Variants in LRRC7 observed in about 807,000 individuals in gnomAD.
The protein encoded by LRRC7 is leucine-rich repeat-containing protein 7.
LRRC7 carries 23 observed loss-of-function variants against 175.7 expected under a neutral mutation model. The observed-to-expected ratio is 0.13, with a 90% CI of 0.09 to 0.19. LRRC7 has a LOEUF of 0.19. LRRC7 is among the 10% of genes least tolerant of loss of function. LRRC7 has a pLI of 1.00. For synonymous variants in LRRC7, 685 were observed against 680.9 expected (o/e 1.01, Z -0.09); for missense variants, 1,354 against 1,904.7 (o/e 0.71, Z 5.38).
rs143167326 is a variant in LRRC7, at chr1:69,971,104, A to T, written c.712-9275A>T. On this transcript the variant is annotated intron_variant, in intron 8 of 26. Coordinates refer to ENST00000651989, the MANE Select transcript of LRRC7 (RefSeq NM_001370785.2). ...CGTTTTTGATTAAAACTCTCCACAA[A>T]ATCAGCATACAAGGACATACCTCAA... Among the ~76,000 whole-genome samples the T allele has an allele frequency of 1.8e-3, 271 of 152,248 alleles. 1 individual carries two copies. Among genetic ancestry groups the T allele is most frequent in the Admixed American group, 6.5e-3 (100 of 15,290 alleles).
intron 2 of LRRC7, among the ~76,000 whole-genome samples, chr1:69,757,222 G>C (rs1557688750): frequency 6.6e-6 from 1 of 151,946 alleles, no homozygotes; most frequent in Non-Finnish European, 1.5e-5. Flanking sequence ...GAAGATGAGA[G>C]AAGATTCATA....
intron 11 of LRRC7, among the ~76,000 whole-genome samples, chr1:69,995,333 T>A (rs1368510332): frequency 3.3e-5 from 5 of 152,172 alleles, no homozygotes; most frequent in Non-Finnish European, 7.4e-5. Context: ...ATTCTGAAAT[T>A]ATGTAAGGGC....
At chr1:69,590,624 T>TA (rs1646593100) in intron 1 of LRRC7, among the ~76,000 whole-genome samples, 1 of 152,136 alleles carries the variant, frequency 6.6e-6, no homozygotes, top group African/African-American at 2.4e-5. Flanking sequence ...CAGCATCACA[T>TA]AAAAATAGCT....
intron 1 of LRRC7, among the ~76,000 whole-genome samples, chr1:69,633,735 A>G (rs1245042): frequency 0.98 from 149,806 of 152,282 alleles, 73,732 homozygotes; most frequent in Middle Eastern, 1. Flanking sequence ...AGCCAAACAT[A>G]CTTTTAAAAG....
intron 1 of LRRC7, among the ~76,000 whole-genome samples, chr1:69,664,019 C>A (rs114543836): frequency 0.021 from 3,217 of 152,206 alleles, 110 homozygotes; most frequent in African/African-American, 0.072. Context: ...CCGCGCCCGG[C>A]CTCGTTTTAA....
At chr1:69,644,982 A>G (rs555254201) in intron 1 of LRRC7, among the ~76,000 whole-genome samples, 2 of 152,150 alleles carry the variant, frequency 1.3e-5, no homozygotes, top group African/African-American at 2.4e-5. Context: ...CCTCCATTTA[A>G]TAAGAGTACC....
At chr1:70,024,728 G>A (rs1049977360) in intron 17 of LRRC7, among the ~76,000 whole-genome samples, 25 of 151,880 alleles carry the variant, frequency 1.6e-4, no homozygotes, top group Non-Finnish European at 2.9e-4. Context: ...TTATATTTGG[G>A]TATTACTTAA....
chr1:69,576,712 C>T (rs1402766493), intron 1 of LRRC7, among the ~76,000 whole-genome samples: 1 of 152,150 alleles, frequency 6.6e-6, no homozygotes, highest in African/African-American at 2.4e-5. Context: ...ATTAGCTATG[C>T]TTTTCATTTG....
At chr1:70,051,011 A>G (rs1660706001) in intron 22 of LRRC7, among the ~76,000 whole-genome samples, 1 of 151,972 alleles carries the variant, frequency 6.6e-6, no homozygotes, top group Admixed American at 6.6e-5. Context: ...GGCCCCTGTA[A>G]TAGAGACTTG....
chr1:69,948,688 T>G (rs1649596962), intron 8 of LRRC7, among the ~76,000 whole-genome samples: 1 of 152,152 alleles, frequency 6.6e-6, no homozygotes, highest in Admixed American at 6.6e-5. Flanking sequence ...TGCCAGCTAC[T>G]TTTACGAGGC....
chr1:70,090,423 A>G (rs186759366), intron 25 of LRRC7, among the ~76,000 whole-genome samples: 2 of 152,172 alleles, frequency 1.3e-5, no homozygotes, highest in Non-Finnish European at 2.9e-5. Context: ...AAGGCACACC[A>G]ACTCTAACCT....
chr1:69,837,781 G>C, intron 6 of LRRC7, among the ~76,000 whole-genome samples: 1 of 151,482 alleles, frequency 6.6e-6, no homozygotes, highest in East Asian at 1.9e-4. Flanking sequence ...TTAGGAAAAT[G>C]ATATTTGTCA....
chr1:70,051,952 G>T (rs1660779191), intron 22 of LRRC7, among the ~76,000 whole-genome samples: 1 of 152,022 alleles, frequency 6.6e-6, no homozygotes, highest in Non-Finnish European at 1.5e-5. Context: ...GTTTTGATGA[G>T]AATAGCCCAG....
At chr1:70,091,173 T>A (rs1664002493) in intron 25 of LRRC7, among the ~76,000 whole-genome samples, 1 of 152,158 alleles carries the variant, frequency 6.6e-6, no homozygotes, top group African/African-American at 2.4e-5. Context: ...AACTAGCATA[T>A]TTCCATTTTG....
intron 25 of LRRC7, among the ~76,000 whole-genome samples, chr1:70,092,760 G>T (rs1664122961): frequency 6.6e-6 from 1 of 152,110 alleles, no homozygotes; most frequent in South Asian, 2.1e-4. Flanking sequence ...ATGTGAGATT[G>T]TTGCAGAAAA....
chr1:69,651,075 T>C (rs1655757505), intron 1 of LRRC7, among the ~76,000 whole-genome samples: 1 of 152,224 alleles, frequency 6.6e-6, no homozygotes, highest in Non-Finnish European at 1.5e-5. Flanking sequence ...GAATGTCAAC[T>C]CTTTCTAATT....
At chr1:69,785,929 G>A (rs1246403896) in intron 3 of LRRC7, among the ~76,000 whole-genome samples, 1 of 152,042 alleles carries the variant, frequency 6.6e-6, no homozygotes, top group African/African-American at 2.4e-5. Context: ...CATTTAAGCA[G>A]TCTTTTAAAT....
chr1:69,828,395 T>C (rs1176198767), intron 5 of LRRC7, among the ~76,000 whole-genome samples: 1 of 152,176 alleles, frequency 6.6e-6, no homozygotes, highest in Non-Finnish European at 1.5e-5. Context: ...CCAGTTCAGG[T>C]GTTCAGAGTT....
In LRRC7 at chr1:69,969,286, C is replaced by T. The variant is rs574783401; in HGVS notation, c.712-11093C>T. The stretch of plus-strand genomic sequence containing the variant: ...TGGAGTGGTACCTCACATCTCAATA[C>T]TAACATTAAATGCAAATGGTCTAAA... On this transcript the variant is annotated intron_variant, in intron 8 of 26. Coordinates refer to ENST00000651989, the MANE Select transcript of LRRC7 (RefSeq NM_001370785.2). 2.6e-5 allele frequency among the ~76,000 whole-genome samples: 4 copies of T among 152,240 alleles called. No individual in the cohort carries two copies. In the South Asian group the frequency reaches 8.3e-4, roughly 32 times the overall value.
Sources: gnomAD v4.1 joint callset for allele counts (sites outside exome capture counted in the v4.1 genomes callset) on GRCh38, gnomAD v4.1.1 for gene constraint, MANE v1.5 for transcripts, NCBI Gene and HGNC (gene_info 2026-07-23, HGNC 2026-07-21) for gene names.